TSPAN9: variants seen among roughly 807,000 people sequenced by gnomAD.
TSPAN9 encodes the protein tetraspanin 9, also known as tetraspanin-9.
In TSPAN9, 16 loss-of-function variants were observed where a neutral mutation model predicts 31.0. The ratio of observed to expected loss-of-function variants is 0.52; its 90% CI spans 0.35 to 0.78. TSPAN9 has a LOEUF of 0.78. Among genes scored for constraint, TSPAN9 ranks in the 30% least tolerant of loss-of-function variants. The pLI is 0.01. For missense variants in TSPAN9, 272 were observed against 312.5 expected, an observed-to-expected ratio of 0.87 and a Z score of 0.98; for synonymous variants, 145 against 121.6, an observed-to-expected ratio of 1.19 and a Z score of -1.27.
chr12:3,175,022 TG>T (rs1421169647), intron 2 of TSPAN9, among the ~76,000 whole-genome samples: 1 of 152,192 alleles, frequency 6.6e-6, no homozygotes, highest in Non-Finnish European at 1.5e-5. Flanking sequence ...CCAGGTGAAC[TG>T]GTGAGGCTTT....
rs191707447 is a variant in TSPAN9, at chr12:3,137,479, C to T, written c.-18+53760C>T. On this transcript the variant is annotated intron_variant, in intron 2 of 8. Coordinates refer to ENST00000011898, the MANE Select transcript of TSPAN9 (RefSeq NM_006675.5). ...GCGGGTTTTTCCAGCTGACACAGCC[C>T]TTGTAGATACATACTCTGCTCTGGG... Among the ~76,000 whole-genome samples, 47 of 152,354 alleles carry T rather than the reference C, an allele frequency of 3.1e-4. No homozygotes were observed. The East Asian group carries it at 8.7e-3, about 28-fold the overall frequency.
chr12:3,220,335 G>A (rs2098383767), intron 3 of TSPAN9, among the ~76,000 whole-genome samples: 2 of 152,078 alleles, frequency 1.3e-5, no homozygotes, highest in Non-Finnish European at 1.5e-5. Context: ...GCCCTTTACT[G>A]TCCCAGGCTG....
intron 2 of TSPAN9, among the ~76,000 whole-genome samples, chr12:3,137,792 C>A (rs1477964087): frequency 1.3e-5 from 2 of 152,108 alleles, no homozygotes; most frequent in African/African-American, 4.8e-5. Context: ...CAAGGGAGGG[C>A]TTTTTCTTTT....
chr12:3,141,523 A>G (rs1412394355), intron 2 of TSPAN9, among the ~76,000 whole-genome samples: 2 of 151,990 alleles, frequency 1.3e-5, no homozygotes, highest in Non-Finnish European at 2.9e-5. Flanking sequence ...TGTGTCTTTG[A>G]GGAGGCCGTG....
chr12:3,127,943 C>T (rs890435255), intron 2 of TSPAN9, among the ~76,000 whole-genome samples: 11 of 152,136 alleles, frequency 7.2e-5, no homozygotes, highest in African/African-American at 2.2e-4. Flanking sequence ...CATTTTTACA[C>T]GACTGGCAGT....
chr12:3,111,013 G>A (rs11062504), intron 2 of TSPAN9, among the ~76,000 whole-genome samples: 3 of 152,342 alleles, frequency 2.0e-5, no homozygotes, highest in East Asian at 3.9e-4. Flanking sequence ...CTCTGTCGCC[G>A]TAGACCGTAG....
chr12:3,282,144 C>T, intron 8 of TSPAN9: 1 of 614,114 alleles, frequency 1.6e-6, no homozygotes, highest in South Asian at 1.9e-5. Context: ...ACACGGTGTC[C>T]CCCGGTCACC....
chr12:3,246,129 G>A lies in TSPAN9; in HGVS notation c.64-32292G>A, dbSNP rs890773084. Among the ~76,000 whole-genome samples the A allele has an allele frequency of 2.6e-4, 12 of 47,012 alleles. No individual in the cohort carries two copies. In the East Asian group the frequency reaches 2.8e-3, roughly 11 times the overall value. 30.8% of individuals were successfully genotyped at this position (47,012 alleles called of 152,430 possible). A position where few individuals can be genotyped will look rare whatever the true frequency, so the allele number is the denominator to read the frequency against. On this transcript the variant is annotated intron_variant, in intron 3 of 8. Transcript: ENST00000011898. ...CCTCAGAGAGCTTTCAGTCATGGTG[G>A]AAGATGAAGGGGAACAGGCACTAAA... is the stretch of plus-strand genomic sequence containing the variant.
At chr12:3,166,577 C>T (rs1353905722) in intron 2 of TSPAN9, among the ~76,000 whole-genome samples, 4 of 152,204 alleles carry the variant, frequency 2.6e-5, no homozygotes, top group African/African-American at 9.6e-5. Context: ...GGAAAATGTT[C>T]TAACCTTCTG....
intron 2 of TSPAN9, among the ~76,000 whole-genome samples, chr12:3,175,805 T>A (rs1402211164): frequency 6.6e-6 from 1 of 152,204 alleles, no homozygotes; most frequent in Non-Finnish European, 1.5e-5. Flanking sequence ...GCCGAGTTGC[T>A]TTATAAATAG....
intron 3 of TSPAN9, among the ~76,000 whole-genome samples, chr12:3,226,748 A>G (rs1220266844): frequency 1.1e-3 from 2 of 1,744 alleles, no homozygotes; most frequent in African/African-American, 3.6e-3. Context: ...GTGTGTGTAT[A>G]TATATATATA....
chr12:3,145,917 G>A (rs896731941), intron 2 of TSPAN9, among the ~76,000 whole-genome samples: 2 of 152,252 alleles, frequency 1.3e-5, no homozygotes, highest in Admixed American at 6.5e-5. Context: ...GGGAGGGAAG[G>A]CCTCTTGGCA....
chr12:3,220,133 G>A lies in TSPAN9; in HGVS notation c.63+18877G>A, dbSNP rs1319829146. On this transcript the variant is annotated intron_variant, in intron 3 of 8. Coordinates refer to ENST00000011898, the MANE Select transcript of TSPAN9 (RefSeq NM_006675.5). ...GCACTCCAGCCTGGGTGACAAGAGC[G>A]AAACTCTGTCTCAAAAAAAAAAAAA... is the stretch of plus-strand genomic sequence containing the variant. Among the ~76,000 whole-genome samples, 4 of 108,904 alleles carry A rather than the reference G, an allele frequency of 3.7e-5. No homozygotes were observed. In the Admixed American group the frequency reaches 4.1e-4, roughly 11 times the overall value. The allele number at this position is 108,904 out of a possible 152,430, so 71.4% of individuals were successfully genotyped here.
At chr12:3,227,539 T>C (rs1172863498) in intron 3 of TSPAN9, among the ~76,000 whole-genome samples, 2 of 152,110 alleles carry the variant, frequency 1.3e-5, no homozygotes, top group Non-Finnish European at 2.9e-5. Context: ...GAGTGGCAAG[T>C]TAATGCTTCC....
At chr12:3,109,474 G>A (rs2098317153) in intron 2 of TSPAN9, among the ~76,000 whole-genome samples, 1 of 151,894 alleles carries the variant, frequency 6.6e-6, no homozygotes, top group African/African-American at 2.4e-5. Flanking sequence ...CTTGTGTAGG[G>A]TGACCTAGTT....
chr12:3,174,877 C>T (rs117251432), intron 2 of TSPAN9, among the ~76,000 whole-genome samples: 16,303 of 152,222 alleles, frequency 0.11, 948 homozygotes, highest in African/African-American at 0.12. Flanking sequence ...CCACCGCACC[C>T]GGCCTCAGCT....
intron 2 of TSPAN9, among the ~76,000 whole-genome samples, chr12:3,121,602 TC>T (rs2098325192): frequency 7.3e-6 from 1 of 136,226 alleles, no homozygotes; most frequent in African/African-American, 2.7e-5. Context: ...GGTCTCAAAC[TC>T]CTGAGCTCAA....
chr12:3,140,111 G>A (rs2098334086), intron 2 of TSPAN9, among the ~76,000 whole-genome samples: 1 of 151,616 alleles, frequency 6.6e-6, no homozygotes. Context: ...TCGGGTGCAA[G>A]TAATCATCAG....
chr12:3,197,747 CCAG>C (rs2098367924), intron 2 of TSPAN9, among the ~76,000 whole-genome samples: 1 of 89,940 alleles, frequency 1.1e-5, no homozygotes, highest in African/African-American at 5.2e-5. Flanking sequence ...CAGGCCACCA[CCAG>C]CACAGGTCAC....
Sources: gnomAD v4.1 joint callset for allele counts (sites outside exome capture counted in the v4.1 genomes callset) on GRCh38, gnomAD v4.1.1 for gene constraint, MANE v1.5 for transcripts, NCBI Gene and HGNC (gene_info 2026-07-23, HGNC 2026-07-21) for gene names.